Variants in MOBP observed in about 807,000 individuals in gnomAD.
MOBP encodes the protein myelin associated oligodendrocyte basic protein, also known as myelin-associated oligodendrocyte basic protein.
Under a neutral mutation model 15.0 loss-of-function variants are expected in MOBP, and 5 were observed. The ratio of observed to expected loss-of-function variants is 0.33; its 90% CI spans 0.17 to 0.70. The LOEUF (loss-of-function observed/expected upper bound fraction) is 0.70. Ranked by LOEUF, MOBP falls within the 30% of genes least tolerant of loss-of-function variation. MOBP has a pLI of 0.67. For missense variants in MOBP, 188 were observed against 257.8 expected (o/e 0.73, Z 1.85); for synonymous variants, 88 against 99.0 (o/e 0.89, Z 0.66).
At chr3:39,484,503 C>T (rs555787515) in intron 2 of MOBP, among the ~76,000 whole-genome samples, 7 of 152,146 alleles carry the variant, frequency 4.6e-5, no homozygotes, top group South Asian at 2.1e-4. Context: ...AGCAGATAAA[C>T]GGAGAGACCA....
chr3:39,485,494 A>G (rs912338931), intron 2 of MOBP, among the ~76,000 whole-genome samples: 5 of 152,242 alleles, frequency 3.3e-5, no homozygotes, highest in Non-Finnish European at 7.3e-5. Context: ...ATCACAGCTA[A>G]GGAGTTGGGG....
intron 2 of MOBP, chr3:39,499,939 C>T (rs2042945581): frequency 4.5e-6 from 2 of 441,006 alleles, no homozygotes; most frequent in Admixed American, 2.4e-5. Flanking sequence ...ACCTTGTTCT[C>T]TAGCCCAACA....
chr3:39,527,086 G>C (rs900294792), downstream of MOBP: 1 of 152,086 alleles, frequency 6.6e-6, no homozygotes, highest in African/African-American at 2.4e-5. Context: ...CCATGATGCA[G>C]ATTTCAAGCT....
At chr3:39,505,101 G>A (rs1455779836), downstream of MOBP, among the ~76,000 whole-genome samples, 1 of 152,178 alleles carries the variant, frequency 6.6e-6, no homozygotes, top group Non-Finnish European at 1.5e-5. Context: ...AGTTTATTCT[G>A]TCCTCCCAGT....
At chr3:39,476,469 A>G (rs562893559) in intron 1 of MOBP, among the ~76,000 whole-genome samples, 1 of 152,350 alleles carries the variant, frequency 6.6e-6, no homozygotes, top group East Asian at 1.9e-4. Context: ...ATCTAGCAGC[A>G]CAAGTTTCAT....
chr3:39,502,909 C>T lies in MOBP; in HGVS notation c.*29C>T, dbSNP rs985584836. 5.8e-6 allele frequency: 6 copies of T among 1,030,234 alleles called. No homozygotes were observed. The African/African-American group carries it at 8.1e-5, about 14-fold the overall frequency. 63.8% of individuals were successfully genotyped at this position (1,030,234 alleles called of 1,614,324 possible). On this transcript the variant is annotated 3_prime_UTR_variant, in exon 4 of 4. Transcript: ENST00000684792. The surrounding 1 kb of genome is among the most constrained non-coding windows in gnomAD (Gnocchi z 6.3). ...CATCTCTTCCCTTTTGTTCCCCAGCCCTAAGGTTAGTAGTTGCTTCCTGTG... is the reference window on the plus strand; with the variant it reads ...CATCTCTTCCCTTTTGTTCCCCAGCTCTAAGGTTAGTAGTTGCTTCCTGTG...
At chr3:39,517,124 G>A (rs2043213835), downstream of MOBP, among the ~76,000 whole-genome samples, 1 of 152,090 alleles carries the variant, frequency 6.6e-6, no homozygotes, top group Non-Finnish European at 1.5e-5. Flanking sequence ...TTGACCCAAG[G>A]GTCAGGTGTG....
chr3:39,495,545 T>G (rs2042865789), intron 2 of MOBP, among the ~76,000 whole-genome samples: 1 of 151,118 alleles, frequency 6.6e-6, no homozygotes, highest in Admixed American at 6.6e-5. Context: ...TTTGGGAGTC[T>G]GAGGTGGGAG....
At chr3:39,509,574 A>T (rs576071809) in intron 4 of MOBP, among the ~76,000 whole-genome samples, 14 of 152,086 alleles carry the variant, frequency 9.2e-5, no homozygotes, top group Non-Finnish European at 1.6e-4. Context: ...TTATTATTGT[A>T]TTTTGAGGGG....
intron 2 of MOBP, among the ~76,000 whole-genome samples, chr3:39,492,362 C>T (rs2042810062): frequency 6.6e-6 from 1 of 152,114 alleles, no homozygotes; most frequent in Admixed American, 6.5e-5. Flanking sequence ...TACTCTTATC[C>T]ACCTTGAGAA....
At chr3:39,471,191 A>T (rs1334796700) in intron 1 of MOBP, among the ~76,000 whole-genome samples, 1 of 149,036 alleles carries the variant, frequency 6.7e-6, no homozygotes, top group African/African-American at 2.5e-5. Flanking sequence ...GCAGTGCACC[A>T]GCCTAGTGGC....
At position 39,502,795 on chromosome 3, in the gene MOBP, C is replaced by T. The variant is rs2042993535; in HGVS notation, c.467C>T (p.Ser156Phe). 1 of 1,535,226 alleles carries T rather than the reference C, an allele frequency of 6.5e-7. No individual in the cohort carries two copies. The highest frequency in any genetic ancestry group is 8.7e-7 in the Non-Finnish European group (1 of 1,146,326). The part of the protein sequence containing the change: ...PPAKQRPPQK[S>F]KQQPRSSPLR... Reference sequence around the variant, plus strand: ...GCCAAGCAGCGTCCCCCTCAGAAGTCCAAGCAACAGCCGCGCAGCAGCCCC... The same window carrying T: ...GCCAAGCAGCGTCCCCCTCAGAAGTTCAAGCAACAGCCGCGCAGCAGCCCC... The change falls in exon 4 of 4, where the codon TCC becomes TTC. Residue 156 changes from serine to phenylalanine, a missense_variant. Physicochemically the swap from Ser to Phe is radical, Grantham distance 155. This residue lies in a region of MOBP where 55 missense variants were observed against 45.2 expected (regional missense o/e 1.22). Transcript: ENST00000684792. This position sits in a 1 kb window ranked among gnomAD's most constrained non-coding sequence, Gnocchi z 6.3.
intron 3 of MOBP, among the ~76,000 whole-genome samples, chr3:39,522,413 A>G (rs897938612): frequency 6.6e-6 from 1 of 152,206 alleles, no homozygotes; most frequent in African/African-American, 2.4e-5. Flanking sequence ...AGCAAGAACC[A>G]TGGCTTTACA....
In MOBP at chr3:39,469,612, T is replaced by C. The variant is rs574645231; in HGVS notation, c.-89+1872T>C. On this transcript the variant is annotated intron_variant, in intron 1 of 3. Coordinates refer to ENST00000684792, the MANE Select transcript of MOBP (RefSeq NM_001393704.1). ...GAGGCAGCTTTGACCTAGACAGTTT[T>C]GGAGAGTATAAGCCAGTTATTTTGC... is the stretch of plus-strand genomic sequence containing the variant. Among the ~76,000 whole-genome samples the C allele has an allele frequency of 1.3e-4, 20 of 152,242 alleles. No individual in the cohort carries two copies. In the South Asian group the frequency reaches 3.7e-3, roughly 28 times the overall value.
downstream of MOBP, chr3:39,526,828 G>T (rs2043329406): frequency 7.1e-6 from 1 of 140,274 alleles, no homozygotes; most frequent in African/African-American, 2.7e-5. Flanking sequence ...CCAGACTGGA[G>T]TGCAAAGGTG....
downstream of MOBP, among the ~76,000 whole-genome samples, chr3:39,519,951 T>C (rs1398663370): frequency 1.4e-5 from 2 of 145,706 alleles, no homozygotes; most frequent in African/African-American, 5.4e-5. Flanking sequence ...TCTCTGATCA[T>C]GACATCTGTT....
In MOBP at chr3:39,502,025, G is replaced by A. The variant is rs2125655876; in HGVS notation, c.-4-41G>A. On this transcript the variant is annotated intron_variant, in intron 2 of 3. Coordinates refer to ENST00000684792, the MANE Select transcript of MOBP (RefSeq NM_001393704.1). This position sits in a 1 kb window ranked among gnomAD's most constrained non-coding sequence, Gnocchi z 6.3. ...TAGAGGGCTCCCTTTCCTGATGTGC[G>A]TTTATGTCTCCTCCTGTCTCCTTGC... The A allele has an allele frequency of 6.4e-7, 1 of 1,561,284 alleles. No individual in the cohort carries two copies. The highest frequency in any genetic ancestry group is 8.8e-7 in the Non-Finnish European group (1 of 1,134,018).
At chr3:39,522,630 C>T (rs2043283760) in intron 3 of MOBP, among the ~76,000 whole-genome samples, 1 of 152,176 alleles carries the variant, frequency 6.6e-6, no homozygotes. Context: ...AGAAATGTCC[C>T]ATTTTTGTAA....
intron 3 of MOBP, among the ~76,000 whole-genome samples, chr3:39,521,670 G>C (rs1275281681): frequency 6.6e-6 from 1 of 152,150 alleles, no homozygotes; most frequent in Admixed American, 6.5e-5. Context: ...GGTAAAAAAT[G>C]AAACAGTATT....
Sources: gnomAD v4.1 joint callset for allele counts (sites outside exome capture counted in the v4.1 genomes callset) on GRCh38, gnomAD v4.1.1 for gene constraint, gnomAD v4.1.1 regional missense constraint, Gnocchi (gnomAD v3.1) non-coding constraint, MANE v1.5 for transcripts, NCBI Gene and HGNC (gene_info 2026-07-23, HGNC 2026-07-21) for gene names.